The following EBF4 variants were observed in gnomAD, a reference collection of about 807,000 sequenced individuals.
The protein encoded by EBF4 is EBF transcription factor 4.
EBF4 carries 34 observed loss-of-function variants against 67.1 expected under a neutral mutation model. The ratio of observed to expected loss-of-function variants is 0.51; its 90% CI spans 0.39 to 0.67. The LOEUF is 0.67. EBF4 is among the 30% of genes least tolerant of loss of function. The probability of loss-of-function intolerance (pLI) is 0.00; values close to 1 mark genes in which losing one functional copy is unlikely to be tolerated. For missense variants in EBF4, 837 were observed against 873.3 expected (o/e 0.96, Z 0.52); for synonymous variants, 387 against 377.7 (o/e 1.02, Z -0.29).
rs148554048 is a variant in EBF4 at position 2,693,887 on chromosome 20, T to C, written c.137+105T>C. 8.2e-4 allele frequency: 1,015 copies of C among 1,233,910 alleles called. 4 individuals are homozygous for C. The African/African-American group carries it at 0.014, about 17-fold the overall frequency. 76.4% of individuals were successfully genotyped at this position (1,233,910 alleles called of 1,614,324 possible). The stretch of plus-strand genomic sequence containing the variant: ...AGCCAGGGGCGGAAGGAGCCCTAAC[T>C]CTGGACGGTCCCGGCGAGCTCCCCG... On this transcript the variant is annotated intron_variant, in intron 1 of 16. Coordinates refer to ENST00000609451, the Ensembl canonical transcript of EBF4. This position sits in a 1 kb window ranked among gnomAD's most constrained non-coding sequence, Gnocchi z 4.6.
chr20:2,740,813 A>G (rs944799602), intron 6 of EBF4, among the ~76,000 whole-genome samples: 5 of 152,148 alleles, frequency 3.3e-5, no homozygotes, highest in African/African-American at 1.2e-4. Context: ...TGGAGTGTGA[A>G]TGGCCAGAGA....
intron 1 of EBF4, among the ~76,000 whole-genome samples, chr20:2,699,599 A>C (rs1365371203): frequency 1.3e-5 from 2 of 152,254 alleles, no homozygotes; most frequent in African/African-American, 4.8e-5. Flanking sequence ...TGCTTTAAAC[A>C]ATCTTTTTAA....
intron 6 of EBF4, among the ~76,000 whole-genome samples, chr20:2,737,122 C>T (rs190001556): frequency 2.5e-4 from 37 of 150,396 alleles, no homozygotes; most frequent in East Asian, 2.3e-3. Flanking sequence ...TGGTGGCGGG[C>T]GCCTGTAGTC....
At chr20:2,712,401 G>GGA (rs148962397) in intron 6 of EBF4, among the ~76,000 whole-genome samples, 1 of 152,030 alleles carries the variant, frequency 6.6e-6, no homozygotes, top group East Asian at 1.9e-4. Context: ...TGTTATGGAA[G>GGA]GAGAGAGAGA....
At chr20:2,750,218 G>A (rs1330484336) in intron 10 of EBF4, among the ~76,000 whole-genome samples, 2 of 151,954 alleles carry the variant, frequency 1.3e-5, no homozygotes, top group Non-Finnish European at 2.9e-5. Context: ...CCGGGGCAAA[G>A]TCCCCCCCAC....
In EBF4 at chr20:2,696,700, A is replaced by C. The variant is rs1432650172; in HGVS notation, c.137+2918A>C. 6.6e-6 allele frequency among the ~76,000 whole-genome samples: 1 copy of C among 152,004 alleles called. No homozygotes were observed. On this transcript the variant is annotated intron_variant, in intron 1 of 16. Transcript: ENST00000609451. This position sits in a 1 kb window ranked among gnomAD's most constrained non-coding sequence, Gnocchi z 4.7. ...TTGAAACAATCCCTCTGCCCTCAGC[A>C]CCCGCACATCCCCTGGATTAAGTCT...
intron 6 of EBF4, among the ~76,000 whole-genome samples, chr20:2,741,698 A>C (rs1402804065): frequency 3.9e-5 from 6 of 152,148 alleles, no homozygotes; most frequent in Non-Finnish European, 8.8e-5. Flanking sequence ...GCTTTCCTTT[A>C]AGTCACAGGC....
chr20:2,730,531 G>T (rs1374428724), intron 6 of EBF4, among the ~76,000 whole-genome samples: 1 of 152,092 alleles, frequency 6.6e-6, no homozygotes, highest in Non-Finnish European at 1.5e-5. Flanking sequence ...CTTTTGGGGG[G>T]GCCACCATTC....
rs1281673336 is a variant in EBF4, at chr20:2,742,044, C to G, written c.558-6505C>G. On this transcript the variant is annotated intron_variant, in intron 6 of 16. Coordinates refer to ENST00000609451, the Ensembl canonical transcript of EBF4. ...ATCCCCACAACATACTATCCTGGTC[C>G]CCACACAGCCTGCCTCTCAGAGCTG... Among the ~76,000 whole-genome samples the G allele has an allele frequency of 2.0e-5, 3 of 152,116 alleles. No homozygotes were observed. In the East Asian group the frequency reaches 5.8e-4, roughly 29 times the overall value.
chr20:2,759,001 G>C lies in EBF4; in HGVS notation c.*5+17G>C. 1.3e-6 allele frequency: 2 copies of C among 1,551,022 alleles called. No individual in the cohort carries two copies. Among genetic ancestry groups the C allele is most frequent in the Non-Finnish European group, 1.7e-6 (2 of 1,146,422 alleles). ...CTAATTACGGTAGGTCTCTGGCTGG[G>C]TCTGGCCTCCCCCGCCCCACCTGGC... On this transcript the variant is annotated intron_variant, in intron 16 of 16. Coordinates refer to ENST00000609451, the Ensembl canonical transcript of EBF4.
At chr20:2,752,253 G>T in exon 13 of EBF4, 2 of 1,275,188 alleles carry the variant, frequency 1.6e-6, no homozygotes, top group South Asian at 2.6e-5. Context: ...CCACCCCGGG[G>T]CCCGAGCCGG....
chr20:2,705,700 C>T (rs764741862), exon 2 of EBF4: 2 of 1,551,524 alleles, frequency 1.3e-6, no homozygotes, highest in Non-Finnish European at 1.7e-6. Flanking sequence ...AGGTGGAGCG[C>T]ACAGCCTTCA....
At chr20:2,700,222 C>T (rs1028116214) in intron 1 of EBF4, among the ~76,000 whole-genome samples, 14 of 152,104 alleles carry the variant, frequency 9.2e-5, no homozygotes, top group Non-Finnish European at 2.1e-4. Flanking sequence ...CCTCTATAGG[C>T]TGCTTTCTCA....
chr20:2,699,907 G>C (rs2087349910), intron 1 of EBF4, among the ~76,000 whole-genome samples: 1 of 152,182 alleles, frequency 6.6e-6, no homozygotes, highest in African/African-American at 2.4e-5. Context: ...GCTGGCAGTT[G>C]GTACCCACCC....
chr20:2,726,736 A>G (rs2087751647), intron 6 of EBF4, among the ~76,000 whole-genome samples: 1 of 152,162 alleles, frequency 6.6e-6, no homozygotes, highest in African/African-American at 2.4e-5. Flanking sequence ...CAATTAGATT[A>G]TCTAGATCAC....
At chr20:2,740,877 A>C (rs1321497192) in intron 6 of EBF4, among the ~76,000 whole-genome samples, 1 of 151,928 alleles carries the variant, frequency 6.6e-6, no homozygotes, top group Non-Finnish European at 1.5e-5. Flanking sequence ...ACTGGTGGGG[A>C]GTATATGCTC....
In EBF4 at chr20:2,751,210, C is replaced by G. The variant is rs770490317; in HGVS notation, c.1019-490C>G. 6.6e-6 allele frequency among the ~76,000 whole-genome samples: 1 copy of G among 152,200 alleles called. No homozygotes were observed. The highest frequency in any genetic ancestry group is 2.4e-5 in the African/African-American group (1 of 41,444). ...CCGCCCCAGCCCAAGCCACCCACTTCTCCAGTTGCTTCCCTGGGGTGCATG... is the reference window on the plus strand; with the variant it reads ...CCGCCCCAGCCCAAGCCACCCACTTGTCCAGTTGCTTCCCTGGGGTGCATG... On this transcript the variant is annotated intron_variant, in intron 10 of 16. Coordinates refer to ENST00000609451, the Ensembl canonical transcript of EBF4. This position sits in a 1 kb window ranked among gnomAD's most constrained non-coding sequence, Gnocchi z 5.2.
In EBF4 at chr20:2,736,067, G is replaced by A. The variant is rs1446872084; in HGVS notation, c.558-12482G>A. The stretch of plus-strand genomic sequence containing the variant: ...ACTGAGGAATTGAATATTTAATTGT[G>A]TTTAATTTAAATCAAATTTAAGAAA... On this transcript the variant is annotated intron_variant, in intron 6 of 16. Coordinates refer to ENST00000609451, the Ensembl canonical transcript of EBF4. Among the ~76,000 whole-genome samples the A allele has an allele frequency of 2.6e-5, 4 of 152,290 alleles. No individual in the cohort carries two copies. In the East Asian group the frequency reaches 7.7e-4, roughly 29 times the overall value.
At chr20:2,726,094 G>T (rs2146434653) in intron 6 of EBF4, among the ~76,000 whole-genome samples, 1 of 152,146 alleles carries the variant, frequency 6.6e-6, no homozygotes, top group Non-Finnish European at 1.5e-5. Context: ...ATGGCTTCCA[G>T]TTGCCCCAAG....
Sources: gnomAD v4.1 joint callset for allele counts (sites outside exome capture counted in the v4.1 genomes callset) on GRCh38, gnomAD v4.1.1 for gene constraint, Gnocchi (gnomAD v3.1) non-coding constraint, MANE v1.5 for transcripts, NCBI Gene and HGNC (gene_info 2026-07-23, HGNC 2026-07-21) for gene names.